Variants in PPARG observed in about 807,000 individuals in gnomAD.
PPARG encodes peroxisome proliferator-activated receptor gamma.
PPARG carries 17 observed loss-of-function variants against 39.2 expected under a neutral mutation model. The ratio of observed to expected loss-of-function variants is 0.43; its 90% confidence interval spans 0.30 to 0.65. The LOEUF (loss-of-function observed/expected upper bound fraction) is 0.65. Ranked by LOEUF, PPARG falls within the 30% of genes least tolerant of loss-of-function variation. The pLI, the probability that PPARG is intolerant of heterozygous loss-of-function variation, is 0.13. For synonymous variants in PPARG, 223 were observed against 215.7 expected (o/e 1.03, Z -0.30); for missense variants, 406 against 585.9 (o/e 0.69, Z 3.17).
chr3:12,338,724 T>C (rs1188592794), intron 2 of PPARG, among the ~76,000 whole-genome samples: 1 of 152,238 alleles, frequency 6.6e-6, no homozygotes, highest in African/African-American at 2.4e-5. Flanking sequence ...TCAACTCTTC[T>C]GTGAAACATT....
Position 12,434,283 on chromosome 3 carries a change from T to A in PPARG, c.*138T>A. On this transcript the variant is annotated 3_prime_UTR_variant, in exon 8 of 8. Coordinates refer to ENST00000651735, the MANE Select transcript of PPARG (RefSeq NM_138711.6). This position sits in a 1 kb window ranked among gnomAD's most constrained non-coding sequence, Gnocchi z 4.2. Reference sequence around the variant, plus strand: ...TTTAGAATATGATCTATTTTATGCATATTGTTTATAAAGACACATTTACAA... The same window carrying A: ...TTTAGAATATGATCTATTTTATGCAAATTGTTTATAAAGACACATTTACAA... The A allele has an allele frequency of 2.7e-6, 3 of 1,105,952 alleles. No individual in the cohort carries two copies. The highest frequency in any genetic ancestry group is 3.9e-6 in the Non-Finnish European group (3 of 759,756). 68.5% of individuals were successfully genotyped at this position (1,105,952 alleles called of 1,614,324 possible). A position where few individuals can be genotyped will look rare whatever the true frequency, so the allele number is the denominator to read the frequency against.
At chr3:12,398,844 CCAGTGAGCGCAAAGCTAGACTG>C (rs1482366662) in intron 5 of PPARG, among the ~76,000 whole-genome samples, 1 of 152,128 alleles carries the variant, frequency 6.6e-6, no homozygotes, top group Non-Finnish European at 1.5e-5. Context: ...TTGGTAAATC[CCAGTGAGCGCAAAGCTAGACTG>C]CAGTAGATCG....
At chr3:12,293,817 A>G (rs931532590) in intron 1 of PPARG, among the ~76,000 whole-genome samples, 1 of 152,234 alleles carries the variant, frequency 6.6e-6, no homozygotes, top group Non-Finnish European at 1.5e-5. Context: ...GTGGAGAAAT[A>G]TAACTGTCAA....
chr3:12,415,512 A>G (rs1279113183), intron 6 of PPARG, among the ~76,000 whole-genome samples: 1 of 152,234 alleles, frequency 6.6e-6, no homozygotes, highest in Non-Finnish European at 1.5e-5. Context: ...GAATTTCTCA[A>G]TGACTACAAA....
At chr3:12,339,156 C>T (rs2048099187) in intron 2 of PPARG, among the ~76,000 whole-genome samples, 1 of 152,036 alleles carries the variant, frequency 6.6e-6, no homozygotes, top group Non-Finnish European at 1.5e-5. Context: ...CCAGACTCAA[C>T]CTCGGAACCT....
rs4135267 is a variant in PPARG at position 12,390,870 on chromosome 3, C to T, written c.391-1744C>T. Among the ~76,000 whole-genome samples the T allele has an allele frequency of 3.4e-3, 524 of 152,010 alleles. 7 individuals are homozygous for T. The highest frequency in any genetic ancestry group is 4.1e-3 in the Non-Finnish European group (278 of 67,968). ...TTCACCTTGTTGCCCAGGCTAGTCT[C>T]GAACTCCTGGACTCAAGCGATCAAT... On this transcript the variant is annotated intron_variant, in intron 4 of 7. Transcript: ENST00000651735.
chr3:12,307,597 C>T (rs958516532), intron 1 of PPARG, among the ~76,000 whole-genome samples: 1 of 152,046 alleles, frequency 6.6e-6, no homozygotes, highest in Non-Finnish European at 1.5e-5. Flanking sequence ...AGAGAGAGAT[C>T]GTGAAATTCC....
intron 2 of PPARG, among the ~76,000 whole-genome samples, chr3:12,365,053 C>G (rs2048970674): frequency 6.6e-6 from 1 of 152,146 alleles, no homozygotes; most frequent in African/African-American, 2.4e-5. Flanking sequence ...TGGTCCACCT[C>G]AGATCATCAG....
intron 2 of PPARG, among the ~76,000 whole-genome samples, chr3:12,343,658 T>A (rs2048247599): frequency 6.6e-6 from 1 of 152,186 alleles, no homozygotes. Flanking sequence ...TGCATTGTGC[T>A]TGTCTTATCC....
intron 2 of PPARG, among the ~76,000 whole-genome samples, chr3:12,359,171 C>T (rs2048758230): frequency 6.6e-6 from 1 of 152,150 alleles, no homozygotes; most frequent in African/African-American, 2.4e-5. Flanking sequence ...AACCACAATA[C>T]TATGTGTTTC....
At chr3:12,431,034 A>G (rs1282542741) in intron 7 of PPARG, among the ~76,000 whole-genome samples, 1 of 152,178 alleles carries the variant, frequency 6.6e-6, no homozygotes, top group Non-Finnish European at 1.5e-5. Flanking sequence ...GAAGGAGAGA[A>G]GAGTTACAGT....
chr3:12,330,787 A>C (rs1000625674), intron 2 of PPARG, among the ~76,000 whole-genome samples: 2 of 152,352 alleles, frequency 1.3e-5, no homozygotes, highest in South Asian at 2.1e-4. Flanking sequence ...GAAGTATTCC[A>C]GAAAATAAAA....
chr3:12,339,209 CCATATAT>C (rs1559499064), intron 2 of PPARG, among the ~76,000 whole-genome samples: 1 of 152,162 alleles, frequency 6.6e-6, no homozygotes, highest in East Asian at 1.9e-4. Context: ...ACACATGAGA[CCATATAT>C]CATATGATTC....
chr3:12,287,679 GC>G (rs113419707), upstream of PPARG: 151,845 of 151,846 alleles, frequency 1, 75,922 homozygotes, highest in Non-Finnish European at 1. Flanking sequence ...ACACCAGGTA[GC>G]CTGCCGCGGG....
intron 5 of PPARG, among the ~76,000 whole-genome samples, chr3:12,401,465 A>AC (rs1178530356): frequency 1.3e-5 from 2 of 152,224 alleles, no homozygotes; most frequent in South Asian, 4.1e-4. Context: ...ATTGCCATGC[A>AC]CCTAGCACTG....
At chr3:12,363,937 T>C (rs111640989) in intron 2 of PPARG, among the ~76,000 whole-genome samples, 8 of 152,214 alleles carry the variant, frequency 5.3e-5, no homozygotes, top group African/African-American at 1.9e-4. Context: ...CAGAATTGAG[T>C]AGGAAGTACA....
At chr3:12,332,067 T>G (rs1019723247) in intron 2 of PPARG, among the ~76,000 whole-genome samples, 8 of 152,226 alleles carry the variant, frequency 5.3e-5, no homozygotes. Context: ...GTTGTCAAAT[T>G]AAGCATTTTT....
At chr3:12,423,187 TAC>T (rs1044577369) in intron 7 of PPARG, among the ~76,000 whole-genome samples, 1 of 152,236 alleles carries the variant, frequency 6.6e-6, no homozygotes, top group Non-Finnish European at 1.5e-5. Context: ...CTTAATCAGA[TAC>T]CATCTTATAC....
chr3:12,330,529 T>G (rs2047828934), intron 2 of PPARG, among the ~76,000 whole-genome samples: 1 of 152,182 alleles, frequency 6.6e-6, no homozygotes, highest in Admixed American at 6.6e-5. Flanking sequence ...TTAAATTGAT[T>G]TTCTCCCATA....
Sources: gnomAD v4.1 joint callset for allele counts (sites outside exome capture counted in the v4.1 genomes callset) on GRCh38, gnomAD v4.1.1 for gene constraint, Gnocchi (gnomAD v3.1) non-coding constraint, MANE v1.5 for transcripts, NCBI Gene and HGNC (gene_info 2026-07-23, HGNC 2026-07-21) for gene names.